The following GRIK1 variants were observed in gnomAD, a reference collection of about 807,000 sequenced individuals.
GRIK1 encodes glutamate ionotropic receptor kainate type subunit 1, also known as glutamate receptor ionotropic, kainate 1.
Under a neutral mutation model 105.7 loss-of-function variants are expected in GRIK1, and 69 were observed. The observed-to-expected ratio is 0.65, with a 90% confidence interval of 0.54 to 0.80. The LOEUF is 0.80. Among genes scored for constraint, GRIK1 ranks in the 30% least tolerant of loss-of-function variants. GRIK1 has a pLI of 0.00. For synonymous variants in GRIK1, 438 were observed against 431.3 expected (o/e 1.02, Z -0.19); for missense variants, 1,109 against 1,167.3 (o/e 0.95, Z 0.73).
At chr21:29,852,273 CA>C (rs1275291974) in intron 1 of GRIK1, among the ~76,000 whole-genome samples, 4 of 152,202 alleles carry the variant, frequency 2.6e-5, no homozygotes, top group Non-Finnish European at 4.4e-5. Flanking sequence ...GAGCACTTTT[CA>C]CTTTCCTTGC....
At chr21:29,864,503 A>G (rs2068743546) in intron 1 of GRIK1, among the ~76,000 whole-genome samples, 1 of 152,078 alleles carries the variant, frequency 6.6e-6, no homozygotes, top group Non-Finnish European at 1.5e-5. Context: ...AAACCCTTCT[A>G]TTAAGTTTTA....
rs138137119 is a variant in GRIK1 at position 29,665,702 on chromosome 21, A to G, written c.726+7281T>C. Among the ~76,000 whole-genome samples, 18 of 152,378 alleles carry G rather than the reference A, an allele frequency of 1.2e-4. No individual in the cohort carries two copies. In the East Asian group the frequency reaches 2.9e-3, roughly 24 times the overall value. On this transcript the variant is annotated intron_variant, in intron 4 of 17. Transcript: ENST00000327783. ...GATGGAAATATTAGCAAGCTTTGAT[A>G]ATTTTGTTTACAGATGAGGTGACTG...
chr21:29,855,730 CAAGT>C (rs1244026871), intron 1 of GRIK1, among the ~76,000 whole-genome samples: 1 of 151,978 alleles, frequency 6.6e-6, no homozygotes, highest in Non-Finnish European at 1.5e-5. Flanking sequence ...AAACCCAAGA[CAAGT>C]AAGAAGGTTA....
intron 1 of GRIK1, among the ~76,000 whole-genome samples, chr21:29,798,399 C>T (rs1054723212): frequency 3.3e-5 from 5 of 152,188 alleles, no homozygotes; most frequent in Non-Finnish European, 7.3e-5. Context: ...GTAAGTAGTG[C>T]TAAGTAGTTT....
At chr21:29,560,566 T>TTCTTTCTTTCTC (rs1568815871) in intron 15 of GRIK1, among the ~76,000 whole-genome samples, 4 of 121,572 alleles carry the variant, frequency 3.3e-5, no homozygotes, top group Non-Finnish European at 1.6e-5. Flanking sequence ...CTTTCTTTCT[T>TTCTTTCTTTCTC]TCTTTCTTTC....
At chr21:29,887,601 T>A (rs889447795) in intron 1 of GRIK1, among the ~76,000 whole-genome samples, 1 of 152,074 alleles carries the variant, frequency 6.6e-6, no homozygotes, top group Non-Finnish European at 1.5e-5. Context: ...TTCAGGCAAT[T>A]TTTTCTCATA....
Position 29,694,060 on chromosome 21 carries a change from C to G in GRIK1, c.122G>C (p.Gly41Ala), listed in dbSNP as rs2063640426. Reference sequence around the variant, plus strand: ...CTCATTTTCCACTGTTTCAAAAATCCCTCCTGCAGAAGCAAAAGAGATGCA... The same window carrying G: ...CTCATTTTCCACTGTTTCAAAAATCGCTCCTGCAGAAGCAAAAGAGATGCA... ...QTAPQVLRIG[G>A]IFETVENEPV... Residue 41 changes from glycine to alanine, a missense_variant, in exon 2 of 18, where the codon GGG becomes GCG. Coordinates refer to ENST00000327783, the MANE Select transcript of GRIK1 (RefSeq NM_001330994.2). The G allele has an allele frequency of 3.7e-6, 6 of 1,610,266 alleles. No homozygotes were observed. Among genetic ancestry groups the G allele is most frequent in the African/African-American group, 1.3e-5 (1 of 74,756 alleles).
chr21:29,667,531 A>G (rs557971645), intron 4 of GRIK1, among the ~76,000 whole-genome samples: 21 of 152,328 alleles, frequency 1.4e-4, no homozygotes, highest in African/African-American at 5.1e-4. Flanking sequence ...TGTACAAACT[A>G]TTTTGGTGCT....
intron 1 of GRIK1, among the ~76,000 whole-genome samples, chr21:29,736,655 A>G (rs1412307715): frequency 2.0e-5 from 3 of 149,546 alleles, no homozygotes; most frequent in Non-Finnish European, 4.5e-5. Context: ...TGGTCTTCAC[A>G]TTTTCTTTTT....
chr21:29,748,895 G>A (rs1171981873), intron 1 of GRIK1: 1 of 152,180 alleles, frequency 6.6e-6, no homozygotes, highest in African/African-American at 2.4e-5. Flanking sequence ...AGACTCCTGG[G>A]CAGCGAACAA....
intron 14 of GRIK1, among the ~76,000 whole-genome samples, chr21:29,575,498 T>C (rs940190067): frequency 2.0e-5 from 3 of 152,106 alleles, no homozygotes; most frequent in African/African-American, 7.2e-5. Flanking sequence ...GAGTTCATTT[T>C]GAACTCAATG....
Position 29,587,519 on chromosome 21 carries a change from G to T in GRIK1, c.1640C>A (p.Pro547His), listed in dbSNP as rs1228032627. Residue 547 changes from proline to histidine, a missense_variant, in exon 12 of 18, where the codon CCC becomes CAC. Coordinates refer to ENST00000327783, the MANE Select transcript of GRIK1 (RefSeq NM_001330994.2). ...AATGCTGATGCCTAGGGTCATGAAG[G>T]GTTTGGAGAAGTCAATGACTTTCTC... ...VREKVIDFSKPFMTLGISILY... is the reference protein window; with the variant it reads ...VREKVIDFSKHFMTLGISILY... 4.3e-6 allele frequency: 7 copies of T among 1,613,494 alleles called. No individual in the cohort carries two copies. The highest frequency in any genetic ancestry group is 5.9e-6 in the Non-Finnish European group (7 of 1,179,486).
intron 1 of GRIK1, among the ~76,000 whole-genome samples, chr21:29,889,398 C>T (rs545622342): frequency 4.4e-4 from 67 of 152,098 alleles, no homozygotes; most frequent in Non-Finnish European, 8.5e-4. Context: ...AATACTCCTA[C>T]TGTGGTTCAC....
At chr21:29,753,052 T>C (rs1459965590) in intron 1 of GRIK1, among the ~76,000 whole-genome samples, 3 of 152,216 alleles carry the variant, frequency 2.0e-5, no homozygotes, top group African/African-American at 7.2e-5. Flanking sequence ...GATGATATCA[T>C]GCCAGAGGCA....
chr21:29,650,807 C>A (rs538982966), intron 6 of GRIK1, among the ~76,000 whole-genome samples: 2 of 152,324 alleles, frequency 1.3e-5, no homozygotes, highest in African/African-American at 4.8e-5. Flanking sequence ...CCACCAGCCA[C>A]CTTCCCCACA....
chr21:29,771,873 C>T (rs913951067), intron 1 of GRIK1, among the ~76,000 whole-genome samples: 6 of 152,222 alleles, frequency 3.9e-5, no homozygotes, highest in African/African-American at 1.4e-4. Flanking sequence ...TATGCCCGCC[C>T]CCTAGTCCCT....
intron 9 of GRIK1, among the ~76,000 whole-genome samples, chr21:29,591,430 G>T (rs968174911): frequency 7.5e-5 from 11 of 145,966 alleles, no homozygotes; most frequent in African/African-American, 2.7e-4. Flanking sequence ...TGCTATTGGG[G>T]GCAGGGTAGG....
At chr21:29,823,472 C>T (rs2067361646) in intron 1 of GRIK1, among the ~76,000 whole-genome samples, 2 of 151,772 alleles carry the variant, frequency 1.3e-5, no homozygotes, top group African/African-American at 4.8e-5. Flanking sequence ...TGTAAATATA[C>T]ATAAATGTAG....
chr21:29,846,928 C>T (rs1317414396), intron 1 of GRIK1, among the ~76,000 whole-genome samples: 1 of 151,934 alleles, frequency 6.6e-6, no homozygotes, highest in Non-Finnish European at 1.5e-5. Flanking sequence ...TTATATATCC[C>T]ATCCTTATTC....
Sources: allele counts gnomAD v4.1 joint callset (sites outside exome capture counted in the v4.1 genomes callset), GRCh38; gene constraint gnomAD v4.1.1; transcripts MANE v1.5; gene names NCBI Gene and HGNC (gene_info 2026-07-23, HGNC 2026-07-21).